FTCDNL1: variants seen among roughly 807,000 people sequenced by gnomAD.
The protein encoded by FTCDNL1 is formiminotransferase N-terminal subdomain-containing protein.
Under a neutral mutation model 5.9 loss-of-function variants are expected in FTCDNL1, and 11 were observed. That is an observed-to-expected ratio of 1.87 (90% confidence interval 1.18 to 3.10). FTCDNL1 has a LOEUF of 3.10. Among genes scored for constraint, FTCDNL1 ranks in the 30% most tolerant of loss-of-function variants. The pLI is 0.00. For missense variants in FTCDNL1, 115 were observed against 65.5 expected (o/e 1.76, Z -2.61); for synonymous variants, 58 against 24.8 (o/e 2.34, Z -3.99).
chr2:199,792,440 C>T (rs1056539666), intron 3 of FTCDNL1, among the ~76,000 whole-genome samples: 1 of 152,114 alleles, frequency 6.6e-6, no homozygotes, highest in African/African-American at 2.4e-5. Context: ...GACTTTTTGG[C>T]TCTTCCCTTC....
intron 2 of FTCDNL1, 98 bp downstream of exon 2, chr2:199,848,750 G>T (rs1216011132): frequency 1.7e-6 from 1 of 588,828 alleles, no homozygotes; most frequent in Non-Finnish European, 3.0e-6. Flanking sequence ...CAGGAAGAAA[G>T]AAAGAAAAGT....
chr2:199,685,816 C>A, the FTCDNL1 span, among the ~76,000 whole-genome samples: 1 of 151,696 alleles, frequency 6.6e-6, no homozygotes, highest in African/African-American at 2.4e-5. Flanking sequence ...TATGGTGTCA[C>A]AGAAGTTCAG....
At chr2:199,771,358 T>C (rs1335148026) in intron 3 of FTCDNL1, among the ~76,000 whole-genome samples, 1 of 152,168 alleles carries the variant, frequency 6.6e-6, no homozygotes, top group East Asian at 1.9e-4. Context: ...TTTTATTACA[T>C]TAAAGGAGGC....
At chr2:199,669,461 G>A in the FTCDNL1 span, among the ~76,000 whole-genome samples, 2 of 152,096 alleles carry the variant, frequency 1.3e-5, no homozygotes, top group Non-Finnish European at 2.9e-5. Flanking sequence ...TTTTGAGTTA[G>A]AAATACTGGA....
At chr2:199,844,748 A>G (rs2076683757) in intron 3 of FTCDNL1, among the ~76,000 whole-genome samples, 1 of 152,110 alleles carries the variant, frequency 6.6e-6, no homozygotes, top group African/African-American at 2.4e-5. Flanking sequence ...TTTCCTCCCC[A>G]AAGTGGGAGA....
intron 3 of FTCDNL1, among the ~76,000 whole-genome samples, chr2:199,802,914 T>C (rs1700530136): frequency 6.6e-6 from 1 of 152,004 alleles, no homozygotes; most frequent in Non-Finnish European, 1.5e-5. Context: ...GAACTCAGAA[T>C]ATGATAATAG....
At chr2:199,845,073 A>G (rs1206551398) in intron 3 of FTCDNL1, among the ~76,000 whole-genome samples, 1 of 151,954 alleles carries the variant, frequency 6.6e-6, no homozygotes, top group East Asian at 1.9e-4. Flanking sequence ...TTTTTGCATA[A>G]ATTTTTTAAA....
At chr2:199,674,021 T>C in the FTCDNL1 span, among the ~76,000 whole-genome samples, 1 of 152,168 alleles carries the variant, frequency 6.6e-6, no homozygotes, top group Non-Finnish European at 1.5e-5. Flanking sequence ...AAGATAGTGC[T>C]AATAGAAACG....
At chr2:199,722,721 C>A in the FTCDNL1 span, among the ~76,000 whole-genome samples, 1 of 152,060 alleles carries the variant, frequency 6.6e-6, no homozygotes, top group African/African-American at 2.4e-5. Flanking sequence ...GGGAGTATGG[C>A]CATTTTCACA....
chr2:199,849,632 A>C (rs1397708425), intron 1 of FTCDNL1, among the ~76,000 whole-genome samples: 1 of 152,206 alleles, frequency 6.6e-6, no homozygotes, highest in Non-Finnish European at 1.5e-5. Flanking sequence ...AATATCAAAA[A>C]TGTGATTTTT....
chr2:199,721,129 T>A, the FTCDNL1 span, among the ~76,000 whole-genome samples: 1 of 152,186 alleles, frequency 6.6e-6, no homozygotes, highest in Non-Finnish European at 1.5e-5. Context: ...AATTTTATTT[T>A]ATTTAAGTTC....
Position 199,837,446 on chromosome 2 carries a change from A to G in FTCDNL1, c.211+8629T>C, listed in dbSNP as rs540408073. On this transcript the variant is annotated intron_variant, in intron 3 of 4. Transcript: ENST00000420128. Reference sequence around the variant, plus strand: ...ATATCAGAACCCAGCATCTAAATTGACTGATCTCAACCAAATCCAACACTG... The same window carrying G: ...ATATCAGAACCCAGCATCTAAATTGGCTGATCTCAACCAAATCCAACACTG... Among the ~76,000 whole-genome samples, 7 of 152,338 alleles carry G rather than the reference A, an allele frequency of 4.6e-5. No homozygotes were observed. In the East Asian group the frequency reaches 1.4e-3, roughly 29 times the overall value.
At chr2:199,753,849 G>T in the FTCDNL1 span, among the ~76,000 whole-genome samples, 1 of 152,204 alleles carries the variant, frequency 6.6e-6, no homozygotes, top group Non-Finnish European at 1.5e-5. Flanking sequence ...CTCCTCCAAG[G>T]ATCTGAGGAT....
chr2:199,783,673 G>A (rs1699483243), intron 3 of FTCDNL1, among the ~76,000 whole-genome samples: 1 of 151,896 alleles, frequency 6.6e-6, no homozygotes, highest in Admixed American at 6.6e-5. Context: ...GCCTCTCCTG[G>A]CTCCTGCCTA....
At chr2:199,728,192 G>C in the FTCDNL1 span, among the ~76,000 whole-genome samples, 1 of 151,632 alleles carries the variant, frequency 6.6e-6, no homozygotes, top group Non-Finnish European at 1.5e-5. Context: ...ATTAGAAAGA[G>C]TTTTTAAGGT....
intron 3 of FTCDNL1, among the ~76,000 whole-genome samples, chr2:199,836,183 G>A (rs963019523): frequency 6.6e-6 from 1 of 152,094 alleles, no homozygotes; most frequent in African/African-American, 2.4e-5. Context: ...TTTTGTGTTT[G>A]AGATAGGGTC....
chr2:199,705,633 C>T, the FTCDNL1 span, among the ~76,000 whole-genome samples: 1 of 152,108 alleles, frequency 6.6e-6, no homozygotes, highest in Non-Finnish European at 1.5e-5. Flanking sequence ...AATTGGAGTA[C>T]TGACAGTGTA....
chr2:199,709,531 C>T, the FTCDNL1 span, among the ~76,000 whole-genome samples: 11 of 152,152 alleles, frequency 7.2e-5, no homozygotes, highest in Middle Eastern at 3.4e-3. Flanking sequence ...ACAAAGGAGA[C>T]TGAGAATTGC....
chr2:199,777,588 T>C (rs1434672187), intron 3 of FTCDNL1, among the ~76,000 whole-genome samples: 2 of 152,152 alleles, frequency 1.3e-5, no homozygotes, highest in Admixed American at 6.5e-5. Flanking sequence ...TAAGAATACC[T>C]TCACAGAAAC....
Sources: gnomAD v4.1 joint callset for allele counts (sites outside exome capture counted in the v4.1 genomes callset) on GRCh38, gnomAD v4.1.1 for gene constraint, MANE v1.5 for transcripts, NCBI Gene and HGNC (gene_info 2026-07-23, HGNC 2026-07-21) for gene names.